The following PRKG1 variants were observed in gnomAD, a reference collection of about 807,000 sequenced individuals.
The protein encoded by PRKG1 is cGMP-dependent protein kinase 1.
In PRKG1, 35 loss-of-function variants were observed where a neutral mutation model predicts 88.1. The ratio of observed to expected loss-of-function variants is 0.40; its 90% confidence interval spans 0.30 to 0.53. The LOEUF is 0.53. Ranked by LOEUF, PRKG1 falls within the 20% of genes least tolerant of loss-of-function variation. The pLI is 0.59. For missense variants in PRKG1, 540 were observed against 839.8 expected, an observed-to-expected ratio of 0.64 and a Z score of 4.41; for synonymous variants, 303 against 292.5, an observed-to-expected ratio of 1.04 and a Z score of -0.37.
At chr10:51,183,620 T>A (rs955862124) in intron 2 of PRKG1, among the ~76,000 whole-genome samples, 2 of 152,224 alleles carry the variant, frequency 1.3e-5, no homozygotes, top group Admixed American at 6.5e-5. Context: ...ATCAAGGTTA[T>A]GAAGCTTCAA....
rs56975031 is a variant in PRKG1, at chr10:51,728,453, G to GTT, written c.593-76106_593-76105dup. Among the ~76,000 whole-genome samples the GTT allele has an allele frequency of 1.1e-3, 64 of 58,804 alleles. 2 individuals carry two copies. The East Asian group carries it at 0.011, about 10-fold the overall frequency. 38.6% of individuals were successfully genotyped at this position (58,804 alleles called of 152,430 possible). A position where few individuals can be genotyped will look rare whatever the true frequency, so the allele number is the denominator to read the frequency against. On this transcript the variant is annotated intron_variant, in intron 3 of 17. Transcript: ENST00000373980. ...AATAGCAAAATTCCATTTTTTCTTT[G>GTT]TTTTTTTTTTTTTTTTTTTTTTTTT...
At chr10:51,548,633 T>C (rs1842502147) in intron 3 of PRKG1, among the ~76,000 whole-genome samples, 1 of 152,164 alleles carries the variant, frequency 6.6e-6, no homozygotes, top group South Asian at 2.1e-4. Context: ...GCTGATTCCT[T>C]TCTATTGTGT....
intron 5 of PRKG1, among the ~76,000 whole-genome samples, chr10:51,961,841 C>G (rs938319436): frequency 6.6e-6 from 1 of 152,100 alleles, no homozygotes; most frequent in South Asian, 2.1e-4. Context: ...GCTACTCTTC[C>G]AGTTATTTAG....
intron 8 of PRKG1, among the ~76,000 whole-genome samples, chr10:52,153,337 T>A (rs1039156193): frequency 1.5e-4 from 23 of 152,154 alleles, no homozygotes; most frequent in African/African-American, 5.6e-4. Flanking sequence ...GGAAAAAAAT[T>A]GCCCCAATTA....
chr10:51,291,912 A>T (rs973696585), intron 2 of PRKG1, among the ~76,000 whole-genome samples: 1 of 152,208 alleles, frequency 6.6e-6, no homozygotes, highest in Non-Finnish European at 1.5e-5. Context: ...TAAGTGTTTT[A>T]AAATCACCCT....
intron 2 of PRKG1, among the ~76,000 whole-genome samples, chr10:51,378,809 T>A (rs963878783): frequency 1.3e-5 from 2 of 152,166 alleles, no homozygotes; most frequent in African/African-American, 4.8e-5. Context: ...CATGGGGGGA[T>A]TATATGAAAG....
Position 51,899,430 on chromosome 10 carries a change from C to T in PRKG1, c.699-8077C>T, listed in dbSNP as rs371981767. ...TATACATCTCAGCACTTTGGAAGAC[C>T]GAGTAGGGTGGATCACTTGAAGTCA... On this transcript the variant is annotated intron_variant, in intron 4 of 17. Transcript: ENST00000373980. 1.5e-4 allele frequency among the ~76,000 whole-genome samples: 23 copies of T among 151,356 alleles called. No individual in the cohort carries two copies. In the East Asian group the frequency reaches 3.7e-3, roughly 24 times the overall value.
At chr10:52,192,474 C>G (rs1839391525) in intron 9 of PRKG1, among the ~76,000 whole-genome samples, 1 of 151,888 alleles carries the variant, frequency 6.6e-6, no homozygotes, top group Non-Finnish European at 1.5e-5. Context: ...TGCAGTATTC[C>G]CATTTTATTC....
rs1232726391 is a variant in PRKG1, at chr10:51,887,423, T to C, written c.699-20084T>C. ...AGATCTGAACTTTGATTCTTTTGAATATATTTCCAGAAGTGGGACTGCTGT... is the reference window on the plus strand; with the variant it reads ...AGATCTGAACTTTGATTCTTTTGAACATATTTCCAGAAGTGGGACTGCTGT... On this transcript the variant is annotated intron_variant, in intron 4 of 17. Transcript: ENST00000373980. Among the ~76,000 whole-genome samples the C allele has an allele frequency of 3.3e-5, 5 of 152,372 alleles. No homozygotes were observed. In the East Asian group the frequency reaches 9.6e-4, roughly 29 times the overall value.
intron 2 of PRKG1, among the ~76,000 whole-genome samples, chr10:51,191,737 G>GT (rs1185764155): frequency 2.0e-5 from 3 of 151,598 alleles, no homozygotes; most frequent in African/African-American, 4.8e-5. Context: ...ACCAATCTAC[G>GT]TAAGTATCAG....
At chr10:51,241,661 T>G (rs1839156037) in intron 2 of PRKG1, among the ~76,000 whole-genome samples, 1 of 152,168 alleles carries the variant, frequency 6.6e-6, no homozygotes, top group Admixed American at 6.6e-5. Flanking sequence ...TAACAGATGT[T>G]GTTTTAGGTT....
chr10:51,546,949 G>C (rs1030292862), intron 3 of PRKG1, among the ~76,000 whole-genome samples: 3 of 151,998 alleles, frequency 2.0e-5, no homozygotes, highest in African/African-American at 7.2e-5. Context: ...AATTATTATT[G>C]AATCTTATTA....
intron 2 of PRKG1, among the ~76,000 whole-genome samples, chr10:51,185,577 T>G (rs55713575): frequency 0.053 from 8,076 of 152,082 alleles, 401 homozygotes; most frequent in African/African-American, 0.13. Flanking sequence ...CACTATTTTG[T>G]TTTGTAACCT....
chr10:51,816,861 T>A (rs1211070586), intron 4 of PRKG1, among the ~76,000 whole-genome samples: 2 of 152,200 alleles, frequency 1.3e-5, no homozygotes, highest in South Asian at 4.1e-4. Context: ...TGGGTAAACA[T>A]TGTATTCCAG....
chr10:51,919,582 T>C lies in PRKG1; in HGVS notation c.762+12012T>C, dbSNP rs552273001. On this transcript the variant is annotated intron_variant, in intron 5 of 17. Transcript: ENST00000373980. Reference sequence around the variant, plus strand: ...TGCAAATCAGTTTACATTACAGATGTTAATAATTGCTAGGCATGAGAGTGT... The same window carrying C: ...TGCAAATCAGTTTACATTACAGATGCTAATAATTGCTAGGCATGAGAGTGT... Among the ~76,000 whole-genome samples the C allele has an allele frequency of 5.9e-5, 9 of 152,154 alleles. No individual in the cohort carries two copies. The East Asian group carries it at 1.5e-3, about 26-fold the overall frequency.
At chr10:51,084,871 A>G (rs1353767040) in intron 1 of PRKG1, among the ~76,000 whole-genome samples, 1 of 152,198 alleles carries the variant, frequency 6.6e-6, no homozygotes, top group Non-Finnish European at 1.5e-5. Flanking sequence ...TACTTGGACT[A>G]TTTTCAGAAA....
chr10:51,235,052 G>A (rs1398313018), intron 2 of PRKG1, among the ~76,000 whole-genome samples: 3 of 152,050 alleles, frequency 2.0e-5, no homozygotes, highest in Non-Finnish European at 4.4e-5. Context: ...AGTACTTTCC[G>A]TAATACCTAA....
chr10:51,142,394 AT>A (rs1845840272), intron 1 of PRKG1, among the ~76,000 whole-genome samples: 2 of 152,054 alleles, frequency 1.3e-5, no homozygotes, highest in South Asian at 4.1e-4. Flanking sequence ...ATTGCAGTGG[AT>A]TTGTTGACTC....
chr10:52,167,176 C>T (rs1414992728), intron 9 of PRKG1, among the ~76,000 whole-genome samples: 6 of 152,006 alleles, frequency 3.9e-5, no homozygotes, highest in East Asian at 1.9e-4. Context: ...CTGTTCTTGG[C>T]GAGGCCACTG....
Sources: gnomAD v4.1 joint callset for allele counts (sites outside exome capture counted in the v4.1 genomes callset) on GRCh38, gnomAD v4.1.1 for gene constraint, MANE v1.5 for transcripts, NCBI Gene and HGNC (gene_info 2026-07-23, HGNC 2026-07-21) for gene names.